The following CHN2 variants were observed in gnomAD, a reference collection of about 807,000 sequenced individuals.
The protein encoded by CHN2 is chimerin 2.
CHN2 carries 35 observed loss-of-function variants against 56.3 expected under a neutral mutation model. That is an observed-to-expected ratio of 0.62 (90% confidence interval 0.47 to 0.82). The LOEUF is 0.82. Among genes scored for constraint, CHN2 ranks in the 40% least tolerant of loss-of-function variants. CHN2 has a pLI of 0.00. For synonymous variants in CHN2, 210 were observed against 212.8 expected (o/e 0.99, Z 0.12); for missense variants, 491 against 580.5 (o/e 0.85, Z 1.58).
chr7:29,428,553 A>C (rs1032945673), intron 6 of CHN2, among the ~76,000 whole-genome samples: 2 of 152,126 alleles, frequency 1.3e-5, no homozygotes, highest in Non-Finnish European at 2.9e-5. Flanking sequence ...GTCTCTGCAA[A>C]AGCCTGGATT....
At chr7:29,477,162 G>A (rs1274042238) in intron 6 of CHN2, among the ~76,000 whole-genome samples, 1 of 152,114 alleles carries the variant, frequency 6.6e-6, no homozygotes, top group African/African-American at 2.4e-5. Context: ...GTGATCTGAG[G>A]TCACCCACAC....
intron 3 of CHN2, among the ~76,000 whole-genome samples, chr7:29,370,244 A>T (rs186217047): frequency 1.3e-5 from 2 of 152,288 alleles, no homozygotes; most frequent in Admixed American, 6.5e-5. Context: ...CTCTTGCATG[A>T]TGGTGAAACA....
chr7:29,262,958 A>C (rs1365858518), intron 1 of CHN2, among the ~76,000 whole-genome samples: 1 of 152,172 alleles, frequency 6.6e-6, no homozygotes, highest in Non-Finnish European at 1.5e-5. Flanking sequence ...AAGATGGTAA[A>C]ATTTATGTTA....
At chr7:29,247,836 A>G (rs1354105913) in intron 1 of CHN2, among the ~76,000 whole-genome samples, 1 of 151,882 alleles carries the variant, frequency 6.6e-6, no homozygotes, top group African/African-American at 2.4e-5. Context: ...CAATCATGCA[A>G]CCCCCAAATC....
At chr7:29,242,615 A>G (rs1787769104) in intron 1 of CHN2, among the ~76,000 whole-genome samples, 1 of 152,084 alleles carries the variant, frequency 6.6e-6, no homozygotes, top group Non-Finnish European at 1.5e-5. Context: ...AATTATATTC[A>G]GAAAGTATTG....
exon 2 of CHN2, chr7:29,146,887 A>T (rs745944058): frequency 2.6e-5 from 41 of 1,551,096 alleles, no homozygotes; most frequent in Non-Finnish European, 3.3e-5. Flanking sequence ...TTGGAAAGCG[A>T]GTGGTGTTTG....
chr7:29,172,283 C>T (rs143525380), intron 2 of CHN2, among the ~76,000 whole-genome samples: 4 of 152,338 alleles, frequency 2.6e-5, no homozygotes, highest in Non-Finnish European at 4.4e-5. Flanking sequence ...GTGGGCATCA[C>T]AGCTGATTTC....
intron 6 of CHN2, among the ~76,000 whole-genome samples, chr7:29,435,787 C>T (rs994325125): frequency 1.1e-4 from 16 of 151,820 alleles, no homozygotes; most frequent in African/African-American, 3.1e-4. Context: ...AGAAAAAGCA[C>T]TTTTCTTCAA....
At chr7:29,465,117 C>A (rs1287171446) in intron 6 of CHN2, among the ~76,000 whole-genome samples, 1 of 152,208 alleles carries the variant, frequency 6.6e-6, no homozygotes, top group African/African-American at 2.4e-5. Context: ...ATTTACACAT[C>A]TTTCATGCAA....
chr7:29,301,674 T>A (rs1793676990), intron 1 of CHN2, among the ~76,000 whole-genome samples: 1 of 152,180 alleles, frequency 6.6e-6, no homozygotes. Context: ...TCATCTCATC[T>A]ATGGCATATG....
intron 1 of CHN2, among the ~76,000 whole-genome samples, chr7:29,291,176 C>A (rs1212236746): frequency 6.6e-6 from 1 of 152,124 alleles, no homozygotes; most frequent in Non-Finnish European, 1.5e-5. Flanking sequence ...AGTTAAATGC[C>A]ACCATTTTGC....
chr7:29,194,850 G>T lies in CHN2; in HGVS notation c.-92G>T. The T allele has an allele frequency of 8.2e-7, 1 of 1,215,142 alleles. No individual in the cohort carries two copies. Among genetic ancestry groups the T allele is most frequent in the South Asian group, 2.2e-5 (1 of 46,294 alleles). 75.3% of individuals were successfully genotyped at this position (1,215,142 alleles called of 1,614,324 possible). ...TCCCCAGGACTTTGCCATGGGCTGG[G>T]GGCCGCGGAGGCTGCGAGCGGCCGG... On this transcript the variant is annotated 5_prime_UTR_variant, in exon 1 of 13. Transcript: ENST00000222792.
chr7:29,325,338 G>A (rs1238790118), intron 1 of CHN2, among the ~76,000 whole-genome samples: 1 of 152,110 alleles, frequency 6.6e-6, no homozygotes, highest in Non-Finnish European at 1.5e-5. Context: ...AGATGTTTTC[G>A]TCCTACCCAT....
At chr7:29,450,955 G>C (rs1469994371) in intron 6 of CHN2, among the ~76,000 whole-genome samples, 1 of 151,920 alleles carries the variant, frequency 6.6e-6, no homozygotes, top group African/African-American at 2.4e-5. Context: ...ATTTTTAGTA[G>C]AGATAGGGTT....
At chr7:29,510,557 C>G (rs892855575) in intron 12 of CHN2, among the ~76,000 whole-genome samples, 1 of 152,168 alleles carries the variant, frequency 6.6e-6, no homozygotes, top group South Asian at 2.1e-4. Flanking sequence ...AGGCCTCACT[C>G]CCTCACCAGC....
intron 2 of CHN2, among the ~76,000 whole-genome samples, chr7:29,155,704 C>T (rs1184368964): frequency 1.3e-5 from 2 of 152,170 alleles, no homozygotes; most frequent in African/African-American, 4.8e-5. Context: ...AAATCCTGTC[C>T]TTTAGCAAGG....
chr7:29,507,109 GAGTT>G, intron 10 of CHN2, 115 bp from the exon 11 acceptor site: 2 of 892,772 alleles, frequency 2.2e-6, no homozygotes, highest in Non-Finnish European at 3.3e-6. Flanking sequence ...GAAGCCAAAA[GAGTT>G]AGCTGAGACT....
chr7:29,218,173 C>T (rs191909458), intron 1 of CHN2, among the ~76,000 whole-genome samples: 210 of 151,652 alleles, frequency 1.4e-3, no homozygotes, highest in African/African-American at 4.7e-3. Context: ...TTGTGATGTC[C>T]CCTCCCACCC....
intron 3 of CHN2, among the ~76,000 whole-genome samples, chr7:29,374,100 A>G (rs1799837110): frequency 6.6e-6 from 1 of 152,190 alleles, no homozygotes; most frequent in Admixed American, 6.5e-5. Flanking sequence ...CCCTTGCAGA[A>G]AAACTATTCC....
Sources: allele counts gnomAD v4.1 joint callset (sites outside exome capture counted in the v4.1 genomes callset), GRCh38; gene constraint gnomAD v4.1.1; transcripts MANE v1.5; gene names NCBI Gene and HGNC (gene_info 2026-07-23, HGNC 2026-07-21).